Variants in ULK4 observed in about 807,000 individuals in gnomAD.
The protein encoded by ULK4 is inactive serine/threonine-protein kinase ULK4.
A neutral mutation model predicts 160.6 loss-of-function variants in ULK4; 133 were observed. That is an observed-to-expected ratio of 0.83 (90% CI 0.72 to 0.96). The LOEUF is 0.96. Ranked by LOEUF, ULK4 falls within the 40% of genes least tolerant of loss-of-function variation. The pLI is 0.00. For synonymous variants in ULK4, 534 were observed against 539.8 expected (o/e 0.99, Z 0.15); for missense variants, 1,580 against 1,499.5 (o/e 1.05, Z -0.89).
Position 41,824,534 on chromosome 3 carries a change from G to A in ULK4, c.1765-5028C>T, listed in dbSNP as rs149683415. On this transcript the variant is annotated intron_variant, in intron 18 of 36. Coordinates refer to ENST00000301831, the MANE Select transcript of ULK4 (RefSeq NM_017886.4). Reference sequence around the variant, plus strand: ...GGAGATTATATCCCACGCCTGGCTCGGAGGGTCCTACGCCCATGAAGCCTC... The same window carrying A: ...GGAGATTATATCCCACGCCTGGCTCAGAGGGTCCTACGCCCATGAAGCCTC... Among the ~76,000 whole-genome samples the A allele has an allele frequency of 4.8e-4, 73 of 152,266 alleles. No individual in the cohort carries two copies. The South Asian group carries it at 9.8e-3, about 20-fold the overall frequency.
rs142383870 is a variant in ULK4, at chr3:41,488,897, T to TA, written c.3227-25645dup. The stretch of plus-strand genomic sequence containing the variant: ...ATGTGAAAATCAAGGATATAAAAAA[T>TA]AGAGCTGAGAAAATGACACACTCCA... On this transcript the variant is annotated intron_variant, in intron 32 of 36. Coordinates refer to ENST00000301831, the MANE Select transcript of ULK4 (RefSeq NM_017886.4). 4.7e-3 allele frequency among the ~76,000 whole-genome samples: 720 copies of TA among 152,084 alleles called. 3 individuals are homozygous for TA. The highest frequency in any genetic ancestry group is 0.017 in the African/African-American group (695 of 41,496).
intron 30 of ULK4, among the ~76,000 whole-genome samples, chr3:41,642,410 A>G (rs186762126): frequency 2.1e-3 from 325 of 152,086 alleles, no homozygotes; most frequent in Non-Finnish European, 2.2e-3. Context: ...TCATTGTTCA[A>G]TTCCCACCTA....
intron 31 of ULK4, among the ~76,000 whole-genome samples, chr3:41,592,072 C>T (rs1179846985): frequency 6.6e-6 from 1 of 152,182 alleles, no homozygotes; most frequent in Non-Finnish European, 1.5e-5. Context: ...AACCCACAGA[C>T]CCACTGAAGG....
rs571075198 is a variant in ULK4, at chr3:41,646,827, C to T, written c.3071+16780G>A. Among the ~76,000 whole-genome samples, 17 of 152,338 alleles carry T rather than the reference C, an allele frequency of 1.1e-4. No homozygotes were observed. In the East Asian group the frequency reaches 2.7e-3, roughly 24 times the overall value. On this transcript the variant is annotated intron_variant, in intron 30 of 36. Coordinates refer to ENST00000301831, the MANE Select transcript of ULK4 (RefSeq NM_017886.4). The stretch of plus-strand genomic sequence containing the variant: ...CCGTTCTCCCCGTCACTTTCAGGTA[C>T]ACCAATCAGATACAGATTTGGTCTT...
chr3:41,566,273 C>T (rs2087779863), intron 31 of ULK4, 143 bp from the exon 32 acceptor site: 1 of 682,610 alleles, frequency 1.5e-6, no homozygotes, highest in Non-Finnish European at 2.4e-6. Flanking sequence ...GAAGCACATC[C>T]TTCTATGTTA....
chr3:41,467,815 A>G (rs544310681), intron 32 of ULK4, among the ~76,000 whole-genome samples: 1 of 152,338 alleles, frequency 6.6e-6, no homozygotes, highest in East Asian at 1.9e-4. Flanking sequence ...GGAGAGGGGA[A>G]GATGGAACTT....
intron 5 of ULK4, among the ~76,000 whole-genome samples, chr3:41,921,266 C>T (rs1407895621): frequency 6.6e-6 from 1 of 151,790 alleles, no homozygotes; most frequent in African/African-American, 2.4e-5. Flanking sequence ...GAACCAAGAT[C>T]ACGCCACTGC....
At chr3:41,571,461 C>A (rs2087970906) in intron 31 of ULK4, among the ~76,000 whole-genome samples, 1 of 152,156 alleles carries the variant, frequency 6.6e-6, no homozygotes, top group Non-Finnish European at 1.5e-5. Context: ...TTCTGGTTCA[C>A]AATCTTATTA....
chr3:41,815,644 G>C (rs1388289120), intron 19 of ULK4, among the ~76,000 whole-genome samples: 2 of 152,156 alleles, frequency 1.3e-5, no homozygotes, highest in African/African-American at 2.4e-5. Context: ...GCCCTCCTCA[G>C]ATCAGTGGGG....
At chr3:41,450,156 T>C (rs1559611494) in intron 34 of ULK4, among the ~76,000 whole-genome samples, 1 of 152,132 alleles carries the variant, frequency 6.6e-6, no homozygotes, top group Non-Finnish European at 1.5e-5. Flanking sequence ...CTAGAATATA[T>C]ACTTTGGCTT....
intron 35 of ULK4, among the ~76,000 whole-genome samples, chr3:41,262,028 T>C (rs1022111536): frequency 3.5e-4 from 53 of 152,184 alleles, no homozygotes; most frequent in African/African-American, 1.1e-3. Context: ...TGATTAGTAG[T>C]GGAGTTGGGA....
chr3:41,306,065 A>T (rs1446608816), intron 35 of ULK4, among the ~76,000 whole-genome samples: 7 of 134,556 alleles, frequency 5.2e-5, no homozygotes, highest in Non-Finnish European at 1.1e-4. Flanking sequence ...TCCGCCCAGC[A>T]GCCACCCAGT....
In ULK4 at chr3:41,451,358, G is replaced by C. The variant is rs374475366; in HGVS notation, c.3492+4139C>G. Among the ~76,000 whole-genome samples, 5 of 151,790 alleles carry C rather than the reference G, an allele frequency of 3.3e-5. No individual in the cohort carries two copies. The East Asian group carries it at 5.8e-4, about 18-fold the overall frequency. On this transcript the variant is annotated intron_variant, in intron 34 of 36. Coordinates refer to ENST00000301831, the MANE Select transcript of ULK4 (RefSeq NM_017886.4). ...AGCAGAGGGGTAGCATTGGAGGTTG[G>C]CTGGGTGAGAGAGACAAAAGAAGCA... is the stretch of plus-strand genomic sequence containing the variant.
chr3:41,785,717 G>A (rs58442057), intron 21 of ULK4, among the ~76,000 whole-genome samples: 18,825 of 152,094 alleles, frequency 0.12, 1,341 homozygotes, highest in Middle Eastern at 0.27. Context: ...AAACACACAT[G>A]TATAGACAGG....
intron 20 of ULK4, among the ~76,000 whole-genome samples, chr3:41,795,426 C>A (rs570138605): frequency 6.6e-6 from 1 of 151,936 alleles, no homozygotes; most frequent in Admixed American, 6.6e-5. Flanking sequence ...TCTACTCACA[C>A]GTAGGGCAGG....
chr3:41,914,359 G>A (rs1238723220), intron 8 of ULK4, among the ~76,000 whole-genome samples: 1 of 152,132 alleles, frequency 6.6e-6, no homozygotes, highest in Non-Finnish European at 1.5e-5. Context: ...AATAAAAATA[G>A]CCAACAAAGT....
intron 17 of ULK4, among the ~76,000 whole-genome samples, chr3:41,872,687 C>T (rs1697141130): frequency 6.6e-6 from 1 of 151,878 alleles, no homozygotes; most frequent in Non-Finnish European, 1.5e-5. Flanking sequence ...CCCAATACAG[C>T]TCCTCGACAA....
intron 17 of ULK4, among the ~76,000 whole-genome samples, chr3:41,861,840 G>C (rs2042504064): frequency 6.6e-6 from 1 of 151,066 alleles, no homozygotes; most frequent in Non-Finnish European, 1.5e-5. Context: ...TTTCTTTTTT[G>C]AGACAGGGTC....
At chr3:41,930,755 A>T (rs1559657639) in intron 5 of ULK4, among the ~76,000 whole-genome samples, 1 of 152,244 alleles carries the variant, frequency 6.6e-6, no homozygotes, top group Non-Finnish European at 1.5e-5. Flanking sequence ...ACCAGCACTG[A>T]TCATTACAGA....
Sources: gnomAD v4.1 joint callset for allele counts (sites outside exome capture counted in the v4.1 genomes callset) on GRCh38, gnomAD v4.1.1 for gene constraint, MANE v1.5 for transcripts, NCBI Gene and HGNC (gene_info 2026-07-23, HGNC 2026-07-21) for gene names.